BTBD2: variants seen among roughly 807,000 people sequenced by gnomAD.
BTBD2 encodes the protein BTB/POZ domain-containing protein 2.
A neutral mutation model predicts 44.0 loss-of-function variants in BTBD2; 15 were observed. The ratio of observed to expected loss-of-function variants is 0.34; its 90% CI spans 0.23 to 0.53. The LOEUF (loss-of-function observed/expected upper bound fraction) is 0.53, where lower values mean the gene tolerates loss of function less well. BTBD2 is among the 20% of genes least tolerant of loss of function. The probability of loss-of-function intolerance (pLI) is 0.95; values close to 1 mark genes in which losing one functional copy is unlikely to be tolerated. For synonymous variants in BTBD2, 443 were observed against 335.9 expected (o/e 1.32, Z -3.49); for missense variants, 657 against 746.4 (o/e 0.88, Z 1.39).
chr19:1,998,890 C>T lies in BTBD2; in HGVS notation c.408-1427G>A, dbSNP rs530100346. ...GCGGAGCACCTGCCCCAGGACGTTG[C>T]GGTCCCTGCGTCACCTCTTCCCCAC... On this transcript the variant is annotated intron_variant, in intron 1 of 8. Coordinates refer to ENST00000255608, the MANE Select transcript of BTBD2 (RefSeq NM_017797.4). 2.9e-4 allele frequency among the ~76,000 whole-genome samples: 44 copies of T among 152,202 alleles called. No homozygotes were observed. In the South Asian group the frequency reaches 5.0e-3, roughly 17 times the overall value.
intron 1 of BTBD2, 57 bp downstream of exon 1, chr19:2,015,240 G>A (rs2016518792): frequency 2.0e-6 from 3 of 1,474,282 alleles, no homozygotes; most frequent in East Asian, 2.8e-5. Context: ...CAGGTGCAGG[G>A]CCCGGGCAGC....
In BTBD2 at chr19:1,994,873, A is replaced by G. The variant is rs189666586; in HGVS notation, c.528-1697T>C. ...ATTTTTAACATTTTCCCTAAGTCCA[A>G]TGTCTTTGTTTATTCTTTTCTTGGC... is the stretch of plus-strand genomic sequence containing the variant. On this transcript the variant is annotated intron_variant, in intron 2 of 8. Coordinates refer to ENST00000255608, the MANE Select transcript of BTBD2 (RefSeq NM_017797.4). Among the ~76,000 whole-genome samples, 10 of 152,190 alleles carry G rather than the reference A, an allele frequency of 6.6e-5. No homozygotes were observed. The East Asian group carries it at 7.7e-4, about 12-fold the overall frequency.
At chr19:2,013,246 C>A (rs1234341902) in intron 1 of BTBD2, among the ~76,000 whole-genome samples, 1 of 152,216 alleles carries the variant, frequency 6.6e-6, no homozygotes, top group African/African-American at 2.4e-5. Context: ...GTGCCCGCAG[C>A]AAGAAAACCC....
chr19:1,993,189 C>T lies in BTBD2; in HGVS notation c.528-13G>A. On this transcript the variant is annotated splice_polypyrimidine_tract_variant and intron_variant, in intron 2 of 8. Coordinates refer to ENST00000255608, the MANE Select transcript of BTBD2 (RefSeq NM_017797.4). ...CGAGTAGAGAAACCTGCAGAAGCAA[C>T]GCGGGTGGCCGTGAGGTGGGACCGC... 1.3e-6 allele frequency: 2 copies of T among 1,587,182 alleles called. No individual in the cohort carries two copies. The highest frequency in any genetic ancestry group is 8.5e-7 in the Non-Finnish European group (1 of 1,173,412).
rs1318609506 is a variant in BTBD2, at chr19:1,986,159, C to G, written c.*329G>C. 5.8e-6 allele frequency: 2 copies of G among 345,836 alleles called. No individual in the cohort carries two copies. Among genetic ancestry groups the G allele is most frequent in the East Asian group, 5.3e-5 (1 of 18,738 alleles). 21.4% of individuals were successfully genotyped at this position (345,836 alleles called of 1,614,324 possible). Reference sequence around the variant, plus strand: ...CGCGAGGGACGCCCGCGGCGCACCGCCGGCAGACGACGTGGGCAGGCGCCC... The same window carrying G: ...CGCGAGGGACGCCCGCGGCGCACCGGCGGCAGACGACGTGGGCAGGCGCCC... On this transcript the variant is annotated 3_prime_UTR_variant, in exon 9 of 9. Coordinates refer to ENST00000255608, the MANE Select transcript of BTBD2 (RefSeq NM_017797.4).
intron 1 of BTBD2, among the ~76,000 whole-genome samples, chr19:1,998,803 G>A (rs1415069368): frequency 1.3e-5 from 2 of 152,126 alleles, no homozygotes; most frequent in Admixed American, 1.3e-4. Context: ...GGGCACAGAC[G>A]CTGGTGGGGC....
intron 1 of BTBD2, among the ~76,000 whole-genome samples, chr19:2,000,483 G>C (rs1451310748): frequency 3.9e-5 from 6 of 152,244 alleles, no homozygotes; most frequent in Non-Finnish European, 8.8e-5. Context: ...ATGCAGTTTG[G>C]AATCAGGGAG....
intron 1 of BTBD2, among the ~76,000 whole-genome samples, chr19:2,000,306 G>C (rs2016312941): frequency 6.6e-6 from 1 of 152,230 alleles, no homozygotes; most frequent in African/African-American, 2.4e-5. Context: ...GGTGCCCCAG[G>C]ACAAACGCTC....
At chr19:1,995,164 G>GC (rs1472157782) in intron 2 of BTBD2, among the ~76,000 whole-genome samples, 1 of 151,596 alleles carries the variant, frequency 6.6e-6, no homozygotes, top group African/African-American at 2.4e-5. Flanking sequence ...ATGGGGTTTT[G>GC]CCTTGTTGCC....
rs1386080349 is a variant in BTBD2, at chr19:2,015,456, G to C, written c.248C>G (p.Pro83Arg). The change falls in exon 1 of 9, where the codon CCG (proline) becomes CGG (arginine). Residue 83 changes from proline to arginine, a missense_variant. By Grantham distance (103) the Pro-to-Arg change is moderately radical. This residue lies in a region of BTBD2 where 191 missense variants were observed against 188.5 expected (regional missense o/e 1.01). Coordinates refer to ENST00000255608, the MANE Select transcript of BTBD2 (RefSeq NM_017797.4). ...CTCGCGCTGCAGCGCCGCCGCCCCC[G>C]GGCCCGCCGCCTCCTCCGCCCGCTC... ...GAERAEEAAGPGAAALQREAA... is the reference protein window; with the variant it reads ...GAERAEEAAGRGAAALQREAA... 1.4e-6 allele frequency: 2 copies of C among 1,382,776 alleles called. No individual in the cohort carries two copies. The highest frequency in any genetic ancestry group is 3.1e-5 in the East Asian group (1 of 32,036). The allele number at this position is 1,382,776 out of a possible 1,614,324, so 85.7% of individuals were successfully genotyped here.
intron 5 of BTBD2, chr19:1,989,415 G>C (rs1402253126): frequency 1.3e-5 from 2 of 156,178 alleles, no homozygotes; most frequent in Non-Finnish European, 2.8e-5. Flanking sequence ...CTAAGCAAGA[G>C]CGGGGGCCGC....
rs762579130 is a variant in BTBD2 at position 1,986,462 on chromosome 19, G to C, written c.*26C>G. On this transcript the variant is annotated 3_prime_UTR_variant, in exon 9 of 9. Transcript: ENST00000255608. ...TGGGGCTGCGGCTATCCCCACGGAGGGAGGGCGGTGTCGGTGTCGGGCAGC... is the reference window on the plus strand; with the variant it reads ...TGGGGCTGCGGCTATCCCCACGGAGCGAGGGCGGTGTCGGTGTCGGGCAGC... 1.2e-6 allele frequency: 2 copies of C among 1,609,634 alleles called. No individual in the cohort carries two copies. Among genetic ancestry groups the C allele is most frequent in the Non-Finnish European group, 1.7e-6 (2 of 1,176,586 alleles).
intron 1 of BTBD2, among the ~76,000 whole-genome samples, chr19:2,004,854 C>G (rs751726610): frequency 1.3e-5 from 2 of 151,680 alleles, no homozygotes; most frequent in Non-Finnish European, 2.9e-5. Flanking sequence ...TGGAGTCTTG[C>G]TCTGTCACCC....
chr19:1,993,585 T>C (rs762387101), intron 2 of BTBD2, among the ~76,000 whole-genome samples: 27 of 151,866 alleles, frequency 1.8e-4, no homozygotes, highest in Admixed American at 7.2e-4. Context: ...CACTTCTGGG[T>C]GGATCATAGA....
chr19:2,009,490 A>G (rs1054428535), intron 1 of BTBD2, among the ~76,000 whole-genome samples: 6 of 148,622 alleles, frequency 4.0e-5, no homozygotes, highest in African/African-American at 1.5e-4. Flanking sequence ...GAGCCACCAC[A>G]CCCACCCAGA....
intron 7 of BTBD2, 64 bp downstream of exon 7, chr19:1,987,102 C>T: frequency 6.3e-7 from 1 of 1,598,550 alleles, no homozygotes; most frequent in Non-Finnish European, 8.6e-7. Flanking sequence ...AGCCAGGGTT[C>T]CATGGAGGTG....
intron 1 of BTBD2, among the ~76,000 whole-genome samples, chr19:2,012,925 C>T (rs1341389730): frequency 6.6e-6 from 1 of 152,190 alleles, no homozygotes; most frequent in Non-Finnish European, 1.5e-5. Context: ...TGAGTTCCAG[C>T]TGCATCCAAC....
chr19:1,994,922 G>C (rs538505054), intron 2 of BTBD2, among the ~76,000 whole-genome samples: 20 of 152,208 alleles, frequency 1.3e-4, no homozygotes, highest in African/African-American at 4.3e-4. Context: ...TCATATCCAA[G>C]TAATCATGGT....
chr19:2,011,238 T>C (rs1388421790), intron 1 of BTBD2, among the ~76,000 whole-genome samples: 2 of 151,764 alleles, frequency 1.3e-5, no homozygotes, highest in Non-Finnish European at 2.9e-5. Context: ...CTGCCTCCTC[T>C]CCTGGCCACA....
Sources: allele counts gnomAD v4.1 joint callset (sites outside exome capture counted in the v4.1 genomes callset), GRCh38; gene constraint gnomAD v4.1.1; regional missense constraint gnomAD v4.1.1; transcripts MANE v1.5; gene names NCBI Gene and HGNC (gene_info 2026-07-23, HGNC 2026-07-21).